WDR72: variants seen among roughly 807,000 people sequenced by gnomAD.
WDR72 encodes the protein WD repeat domain 72, also known as WD repeat-containing protein 72.
WDR72 carries 120 observed loss-of-function variants against 124.2 expected under a neutral mutation model. The ratio of observed to expected loss-of-function variants is 0.97; its 90% CI spans 0.83 to 1.12. WDR72 has a LOEUF of 1.12. Among genes scored for constraint, WDR72 ranks in the 50% most tolerant of loss-of-function variants. The pLI is 0.00. For synonymous variants in WDR72, 452 were observed against 441.7 expected (o/e 1.02, Z -0.29); for missense variants, 1,387 against 1,278.8 (o/e 1.08, Z -1.29).
At chr15:53,754,866 G>C (rs746299290) in intron 1 of WDR72, among the ~76,000 whole-genome samples, 40 of 152,166 alleles carry the variant, frequency 2.6e-4, no homozygotes, top group Non-Finnish European at 4.6e-4. Context: ...TTCTCTGAGG[G>C]ATATGATTTT....
At chr15:53,758,500 G>T (rs1054022709) in intron 1 of WDR72, among the ~76,000 whole-genome samples, 2 of 151,634 alleles carry the variant, frequency 1.3e-5, no homozygotes, top group African/African-American at 4.8e-5. Context: ...TTTTAATATT[G>T]AAGGAGTTAA....
chr15:53,711,164 C>G (rs2017525280), intron 8 of WDR72, 172 bp downstream of exon 8: 1 of 961,376 alleles, frequency 1.0e-6, no homozygotes. Flanking sequence ...CCATCCCCTG[C>G]TGTTTTGTAC....
upstream of WDR72, among the ~76,000 whole-genome samples, chr15:53,761,896 A>C (rs181418798): frequency 6.6e-6 from 1 of 152,308 alleles, no homozygotes; most frequent in Non-Finnish European, 1.5e-5. Context: ...AAAGCCATTA[A>C]AAGTATCAAG....
chr15:53,749,462 C>T (rs2018723218), intron 1 of WDR72, among the ~76,000 whole-genome samples: 1 of 151,996 alleles, frequency 6.6e-6, no homozygotes, highest in Non-Finnish European at 1.5e-5. Context: ...CTGGCCATTC[C>T]CCTGTCTCCT....
At chr15:53,596,122 G>A (rs2012761854) in intron 18 of WDR72, among the ~76,000 whole-genome samples, 1 of 152,014 alleles carries the variant, frequency 6.6e-6, no homozygotes, top group African/African-American at 2.4e-5. Flanking sequence ...ATTGCTCCTA[G>A]TCCTGAATAA....
rs779286162 is a variant in WDR72, at chr15:53,699,774, C to A, written c.1741G>T (p.Val581Phe). ...CCTGTTTCAATTTCCCAGATATAAA[C>A]TGAGTCATCTGCACATCCAACAATT... ...FLIVGCADDS[V>F]YIWEIETGTL... The change falls in exon 13 of 20, where the codon GTT becomes TTT. Residue 581 changes from valine to phenylalanine, a missense_variant. Coordinates refer to ENST00000360509, the MANE Select transcript of WDR72 (RefSeq NM_182758.4). 6 of 1,614,152 alleles carry A rather than the reference C, an allele frequency of 3.7e-6. No homozygotes were observed. The highest frequency in any genetic ancestry group is 2.5e-6 in the Non-Finnish European group (3 of 1,180,020).
At chr15:53,648,047 TC>T (rs1263232734) in intron 14 of WDR72, among the ~76,000 whole-genome samples, 3 of 151,950 alleles carry the variant, frequency 2.0e-5, no homozygotes, top group Admixed American at 6.6e-5. Context: ...AGAAACAAAT[TC>T]CCCCTAACTT....
intron 2 of WDR72, among the ~76,000 whole-genome samples, chr15:53,723,668 A>AAAT (rs1233811222): frequency 2.0e-5 from 3 of 152,212 alleles, no homozygotes; most frequent in Admixed American, 6.5e-5. Context: ...TTAAGTACCT[A>AAAT]AATGCCAGGA....
chr15:53,575,979 T>A (rs1894741219), intron 18 of WDR72, among the ~76,000 whole-genome samples: 1 of 152,082 alleles, frequency 6.6e-6, no homozygotes, highest in Non-Finnish European at 1.5e-5. Context: ...GGCCCTTTGA[T>A]CTTTGATTCA....
At chr15:53,583,775 G>GA (rs2012054388) in intron 18 of WDR72, among the ~76,000 whole-genome samples, 1 of 151,956 alleles carries the variant, frequency 6.6e-6, no homozygotes, top group Admixed American at 6.6e-5. Flanking sequence ...CAGTTGGAAA[G>GA]AAACATAAGT....
At chr15:53,546,661 T>G (rs949726712) in intron 18 of WDR72, among the ~76,000 whole-genome samples, 4 of 151,858 alleles carry the variant, frequency 2.6e-5, no homozygotes, top group Admixed American at 2.6e-4. Flanking sequence ...ACATAAAGTA[T>G]AATAATAATA....
Position 53,544,032 on chromosome 15 carries a change from C to A in WDR72, c.3149-20710G>T, listed in dbSNP as rs1319227051. On this transcript the variant is annotated intron_variant, in intron 18 of 19. Coordinates refer to ENST00000360509, the MANE Select transcript of WDR72 (RefSeq NM_182758.4). Reference sequence around the variant, plus strand: ...TGGCAATAATCAATAGTTTACCAACCAAAAAGAGTCCAGGACCAGATGGAT... The same window carrying A: ...TGGCAATAATCAATAGTTTACCAACAAAAAAGAGTCCAGGACCAGATGGAT... Among the ~76,000 whole-genome samples the A allele has an allele frequency of 8.7e-5, 13 of 148,698 alleles. No individual in the cohort carries two copies. In the East Asian group the frequency reaches 2.2e-3, roughly 25 times the overall value.
At chr15:53,609,796 A>T (rs2013456450) in intron 16 of WDR72, among the ~76,000 whole-genome samples, 1 of 151,948 alleles carries the variant, frequency 6.6e-6, no homozygotes. Context: ...AGTGCCACAG[A>T]TGATTTACAT....
At chr15:53,735,390 G>A (rs1193324846) in intron 1 of WDR72, among the ~76,000 whole-genome samples, 4 of 152,186 alleles carry the variant, frequency 2.6e-5, no homozygotes, top group African/African-American at 7.2e-5. Context: ...GCAGAAATAG[G>A]TCAGTGATTG....
intron 2 of WDR72, among the ~76,000 whole-genome samples, chr15:53,725,882 T>G (rs1385348004): frequency 6.6e-6 from 1 of 152,048 alleles, no homozygotes; most frequent in Non-Finnish European, 1.5e-5. Flanking sequence ...TACACCAACC[T>G]GGCTAACAGG....
intron 14 of WDR72, among the ~76,000 whole-genome samples, chr15:53,649,724 C>A (rs983868123): frequency 1.3e-5 from 2 of 152,008 alleles, no homozygotes; most frequent in African/African-American, 4.8e-5. Flanking sequence ...ATCAAAACCA[C>A]AATGAGATAC....
intron 4 of WDR72, among the ~76,000 whole-genome samples, chr15:53,715,751 G>GGA (rs1403248158): frequency 6.6e-6 from 1 of 152,170 alleles, no homozygotes; most frequent in Non-Finnish European, 1.5e-5. Flanking sequence ...CTTGAGGCCA[G>GGA]GAATTTGAGG....
At chr15:53,732,624 C>T (rs764725098) in intron 2 of WDR72, among the ~76,000 whole-genome samples, 8 of 152,192 alleles carry the variant, frequency 5.3e-5, no homozygotes, top group Non-Finnish European at 8.8e-5. Context: ...TTTAGTTAAT[C>T]GTGGCTTTCA....
chr15:53,721,115 A>C (rs1190136885), intron 3 of WDR72, among the ~76,000 whole-genome samples: 1 of 152,204 alleles, frequency 6.6e-6, no homozygotes, highest in African/African-American at 2.4e-5. Flanking sequence ...ATACAGCATA[A>C]GTTTTAGAAA....
Sources: allele counts gnomAD v4.1 joint callset (sites outside exome capture counted in the v4.1 genomes callset), GRCh38; gene constraint gnomAD v4.1.1; transcripts MANE v1.5; gene names NCBI Gene and HGNC (gene_info 2026-07-23, HGNC 2026-07-21).